Variants in EPM2A observed in about 807,000 individuals in gnomAD.
The protein encoded by EPM2A is EPM2A glucan phosphatase, laforin.
EPM2A carries 21 observed loss-of-function variants against 26.5 expected under a neutral mutation model. The ratio of observed to expected loss-of-function variants is 0.79; its 90% CI spans 0.56 to 1.14. The LOEUF is 1.14. Among genes scored for constraint, EPM2A ranks in the 50% most tolerant of loss-of-function variants. The pLI is 0.00. For missense variants in EPM2A, 458 were observed against 440.8 expected (o/e 1.04, Z -0.35); for synonymous variants, 217 against 177.6 (o/e 1.22, Z -1.76).
At chr6:145,429,527 TAA>T in intron 4 of EPM2A, among the ~76,000 whole-genome samples, 1 of 151,252 alleles carries the variant, frequency 6.6e-6, no homozygotes, top group East Asian at 1.9e-4. Context: ...TAGAAAAAAA[TAA>T]AATTGTCAAT....
chr6:145,457,018 T>A (rs1779270301), intron 4 of EPM2A, among the ~76,000 whole-genome samples: 1 of 152,228 alleles, frequency 6.6e-6, no homozygotes, highest in Admixed American at 6.5e-5. Context: ...TAAATGCTCA[T>A]ATTTGATTGT....
rs1437653660 is a variant in EPM2A, at chr6:145,680,716, T to C, written c.476+5406A>G. ...TTCATCCATGTCCCTACAAAGGACATGAACTCATCATTTTTTATGGCTGCA... is the reference window on the plus strand; with the variant it reads ...TTCATCCATGTCCCTACAAAGGACACGAACTCATCATTTTTTATGGCTGCA... On this transcript the variant is annotated intron_variant, in intron 2 of 3. Coordinates refer to ENST00000367519, the MANE Select transcript of EPM2A (RefSeq NM_005670.4). Among the ~76,000 whole-genome samples the C allele has an allele frequency of 2.0e-5, 3 of 152,344 alleles. No individual in the cohort carries two copies. The South Asian group carries it at 6.2e-4, about 32-fold the overall frequency.
At chr6:145,733,142 T>C (rs1458875239) in intron 1 of EPM2A, among the ~76,000 whole-genome samples, 1 of 152,198 alleles carries the variant, frequency 6.6e-6, no homozygotes, top group Non-Finnish European at 1.5e-5. Context: ...GTAAAAGTCA[T>C]AATAAACCAA....
chr6:145,583,100 T>C (rs987611539), intron 2 of EPM2A, among the ~76,000 whole-genome samples: 17 of 152,216 alleles, frequency 1.1e-4, no homozygotes, highest in African/African-American at 4.1e-4. Context: ...ATTTCAACTT[T>C]CACCTAAATC....
chr6:145,700,136 A>T (rs1562501350), intron 1 of EPM2A, among the ~76,000 whole-genome samples: 1 of 152,194 alleles, frequency 6.6e-6, no homozygotes, highest in Non-Finnish European at 1.5e-5. Context: ...GCAGTTTATT[A>T]TACTATGACT....
rs117699013 is a variant in EPM2A at position 145,632,861 on chromosome 6, C to A, written c.718+2384G>T. On this transcript the variant is annotated intron_variant, in intron 3 of 3. Coordinates refer to ENST00000367519, the MANE Select transcript of EPM2A (RefSeq NM_005670.4). Reference sequence around the variant, plus strand: ...AGTGGTTATTAACCCTTAGATTACACCCCCAGGTTAGGCCAAGCCAAAGAA... The same window carrying A: ...AGTGGTTATTAACCCTTAGATTACAACCCCAGGTTAGGCCAAGCCAAAGAA... Among the ~76,000 whole-genome samples, 1,267 of 152,316 alleles carry A rather than the reference C, an allele frequency of 8.3e-3. 11 individuals carry two copies. Among genetic ancestry groups the A allele is most frequent in the Non-Finnish European group, 0.013 (887 of 68,034 alleles).
chr6:145,597,340 A>G (rs73004600), intron 2 of EPM2A, among the ~76,000 whole-genome samples: 5,042 of 152,264 alleles, frequency 0.033, 181 homozygotes, highest in Admixed American at 0.1. Context: ...CTACACTTAC[A>G]TTGCTGGTCA....
intron 4 of EPM2A, among the ~76,000 whole-genome samples, chr6:145,438,719 G>A (rs112553724): frequency 0.016 from 2,459 of 152,110 alleles, 58 homozygotes; most frequent in African/African-American, 0.055. Context: ...TGATCCACCC[G>A]CCTCAGCCTC....
At chr6:145,667,669 T>C (rs1013258224) in intron 2 of EPM2A, among the ~76,000 whole-genome samples, 4 of 149,170 alleles carry the variant, frequency 2.7e-5, no homozygotes, top group South Asian at 4.2e-4. Flanking sequence ...ACTGGGTATA[T>C]AACCAAAGGA....
intron 4 of EPM2A, among the ~76,000 whole-genome samples, chr6:145,432,716 A>G (rs1047862052): frequency 6.6e-6 from 1 of 152,282 alleles, no homozygotes; most frequent in African/African-American, 2.4e-5. Flanking sequence ...GCTCCTCACA[A>G]GAGTCAACCT....
intron 2 of EPM2A, among the ~76,000 whole-genome samples, chr6:145,525,991 C>T (rs436066): frequency 0.47 from 71,376 of 151,764 alleles, 16,787 homozygotes; most frequent in South Asian, 0.6. Context: ...GTTGAAGGTT[C>T]TTTATCATGA....
chr6:145,480,583 C>A (rs1048003546), intron 4 of EPM2A, among the ~76,000 whole-genome samples: 8 of 152,100 alleles, frequency 5.3e-5, no homozygotes, highest in Non-Finnish European at 1.0e-4. Context: ...TTCACAATGT[C>A]CTGTGATGTA....
rs186661019 is a variant in EPM2A at position 145,558,326 on chromosome 6, G to A, written c.341-55751C>T. ...TTTTCATTATAAATTACCCAATCTC[G>A]GGTATGTGTTTATCAGCAGTGTGAA... On this transcript the variant is annotated intron_variant, in intron 2 of 3. Transcript: ENST00000450221. Among the ~76,000 whole-genome samples, 9 of 151,982 alleles carry A rather than the reference G, an allele frequency of 5.9e-5. No individual in the cohort carries two copies. In the East Asian group the frequency reaches 1.6e-3, roughly 26 times the overall value.
intron 4 of EPM2A, among the ~76,000 whole-genome samples, chr6:145,480,725 C>T (rs373527): frequency 0.55 from 83,765 of 151,842 alleles, 23,781 homozygotes; most frequent in African/African-American, 0.69. Flanking sequence ...TTGTATCTGA[C>T]AATATTTGAT....
chr6:145,394,068 C>A (rs1778373142), intron 4 of EPM2A, among the ~76,000 whole-genome samples: 1 of 152,084 alleles, frequency 6.6e-6, no homozygotes, highest in Non-Finnish European at 1.5e-5. Flanking sequence ...TGTGAACTGC[C>A]TGCCTCACCC....
At position 145,590,972 on chromosome 6, in the gene EPM2A, T is replaced by C. The variant is rs143911592; in HGVS notation, c.340+44273A>G. 1.7e-3 allele frequency among the ~76,000 whole-genome samples: 251 copies of C among 151,994 alleles called. 1 individual carries two copies. Among genetic ancestry groups the C allele is most frequent in the African/African-American group, 5.9e-3 (244 of 41,466 alleles). On this transcript the variant is annotated intron_variant, in intron 2 of 3. Transcript: ENST00000450221. ...TATTTATGATTAAAATGTTAAGAAATCTAATGGAAAAAGTTAATAACTTGC... is the reference window on the plus strand; with the variant it reads ...TATTTATGATTAAAATGTTAAGAAACCTAATGGAAAAAGTTAATAACTTGC...
chr6:145,483,802 C>A (rs1392753306), intron 4 of EPM2A, among the ~76,000 whole-genome samples: 1 of 152,156 alleles, frequency 6.6e-6, no homozygotes, highest in Non-Finnish European at 1.5e-5. Flanking sequence ...TCAGCTAACA[C>A]CATGATCAAG....
At chr6:145,671,168 A>G (rs1291416803) in intron 2 of EPM2A, 2 of 1,010,034 alleles carry the variant, frequency 2.0e-6, no homozygotes, top group Non-Finnish European at 2.4e-6. Context: ...TTCTTGTCGA[A>G]GTTTGATTTA....
At chr6:145,507,985 C>A (rs1780002539) in intron 2 of EPM2A, among the ~76,000 whole-genome samples, 1 of 152,206 alleles carries the variant, frequency 6.6e-6, no homozygotes, top group Non-Finnish European at 1.5e-5. Context: ...GACACCACTT[C>A]CTTGGAGATC....
Sources: allele counts gnomAD v4.1 joint callset (sites outside exome capture counted in the v4.1 genomes callset), GRCh38; gene constraint gnomAD v4.1.1; transcripts MANE v1.5; gene names NCBI Gene and HGNC (gene_info 2026-07-23, HGNC 2026-07-21).